The following CNTNAP2 variants were observed in gnomAD, a reference collection of about 807,000 sequenced individuals.
The protein encoded by CNTNAP2 is contactin associated protein 2.
CNTNAP2 carries 98 observed loss-of-function variants against 155.2 expected under a neutral mutation model. The observed-to-expected ratio is 0.63, with a 90% CI of 0.54 to 0.75. The LOEUF is 0.75. Among genes scored for constraint, CNTNAP2 ranks in the 30% least tolerant of loss-of-function variants. The pLI, the probability that CNTNAP2 is intolerant of heterozygous loss-of-function variation, is 0.00. For synonymous variants in CNTNAP2, 651 were observed against 631.2 expected (o/e 1.03, Z -0.47); for missense variants, 1,727 against 1,688.1 (o/e 1.02, Z -0.40).
At chr7:147,609,982 T>A (rs1801151116) in intron 12 of CNTNAP2, among the ~76,000 whole-genome samples, 1 of 152,118 alleles carries the variant, frequency 6.6e-6, no homozygotes, top group African/African-American at 2.4e-5. Flanking sequence ...TTTGTTGTCG[T>A]GGTGGTGGTA....
chr7:148,038,481 C>T (rs1362320955), intron 15 of CNTNAP2, among the ~76,000 whole-genome samples: 1 of 152,286 alleles, frequency 6.6e-6, no homozygotes, highest in African/African-American at 2.4e-5. Flanking sequence ...TTAAAGTTCC[C>T]ATAGCATCTA....
intron 21 of CNTNAP2, among the ~76,000 whole-genome samples, chr7:148,381,765 T>C (rs866629947): frequency 6.6e-6 from 1 of 152,202 alleles, no homozygotes; most frequent in Non-Finnish European, 1.5e-5. Context: ...GCCTAGATTT[T>C]CTCTGCCACC....
chr7:146,331,320 A>T lies in CNTNAP2; in HGVS notation c.97+214347A>T, dbSNP rs549438518. Among the ~76,000 whole-genome samples, 560 of 143,780 alleles carry T rather than the reference A, an allele frequency of 3.9e-3. 7 individuals carry two copies. Among genetic ancestry groups the T allele is most frequent in the Non-Finnish European group, 5.8e-3 (379 of 65,712 alleles). 94.3% of individuals were successfully genotyped at this position (143,780 alleles called of 152,430 possible). On this transcript the variant is annotated intron_variant, in intron 1 of 23. Coordinates refer to ENST00000361727, the MANE Select transcript of CNTNAP2 (RefSeq NM_014141.6). ...CTCCGTCTCAAAAAAAAAAAAAATA[A>T]AAATAACCAACTATCATATAAATTA...
chr7:147,862,667 A>G (rs1799156626), intron 13 of CNTNAP2, among the ~76,000 whole-genome samples: 1 of 152,088 alleles, frequency 6.6e-6, no homozygotes, highest in African/African-American at 2.4e-5. Flanking sequence ...ATACACATAC[A>G]CACACATATG....
intron 9 of CNTNAP2, among the ~76,000 whole-genome samples, chr7:147,333,228 A>G (rs1410800747): frequency 6.6e-6 from 1 of 152,170 alleles, no homozygotes. Context: ...AACAGAAGGC[A>G]TAGTGATGAC....
At chr7:148,293,806 A>G (rs915337497) in intron 21 of CNTNAP2, among the ~76,000 whole-genome samples, 1 of 152,090 alleles carries the variant, frequency 6.6e-6, no homozygotes, top group Admixed American at 6.6e-5. Context: ...AGGTCGAGGC[A>G]GGCACATCAC....
Position 146,937,639 on chromosome 7 carries a change from C to A in CNTNAP2, c.402+97735C>A, listed in dbSNP as rs191165598. Among the ~76,000 whole-genome samples, 313 of 152,230 alleles carry A rather than the reference C, an allele frequency of 2.1e-3. 2 individuals carry two copies. Among genetic ancestry groups the A allele is most frequent in the Non-Finnish European group, 1.4e-3 (98 of 68,018 alleles). ...AAGGTTGGTAGTAAAGTACCTGACA[C>A]CTGCCCTGGAAACTTCCATTGGCTC... On this transcript the variant is annotated intron_variant, in intron 3 of 23. Coordinates refer to ENST00000361727, the MANE Select transcript of CNTNAP2 (RefSeq NM_014141.6).
intron 1 of CNTNAP2, among the ~76,000 whole-genome samples, chr7:146,340,118 G>T (rs1227103724): frequency 1.4e-5 from 2 of 141,718 alleles, no homozygotes; most frequent in Non-Finnish European, 3.0e-5. Flanking sequence ...GCAGTGAGCG[G>T]AGATCGCGCC....
intron 2 of CNTNAP2, among the ~76,000 whole-genome samples, chr7:146,799,313 G>T (rs1243234281): frequency 1.3e-5 from 2 of 152,066 alleles, no homozygotes; most frequent in African/African-American, 4.8e-5. Flanking sequence ...AAAGATTCTT[G>T]ATTGCTTACC....
intron 5 of CNTNAP2, among the ~76,000 whole-genome samples, chr7:147,115,750 C>A (rs1187042545): frequency 1.3e-5 from 2 of 152,110 alleles, no homozygotes; most frequent in Non-Finnish European, 1.5e-5. Context: ...GCATGGGGTA[C>A]AACATGCTCC....
At chr7:147,108,921 C>T (rs368413175) in intron 5 of CNTNAP2, among the ~76,000 whole-genome samples, 10 of 152,100 alleles carry the variant, frequency 6.6e-5, no homozygotes, top group African/African-American at 1.7e-4. Context: ...ACCAAAAGCA[C>T]GCTCAAGAAG....
chr7:146,135,182 T>G (rs189906621), intron 1 of CNTNAP2, among the ~76,000 whole-genome samples: 1 of 152,292 alleles, frequency 6.6e-6, no homozygotes, highest in Admixed American at 6.5e-5. Context: ...ATTTCCTACT[T>G]ATTTTAAAAT....
chr7:148,284,271 G>T lies in CNTNAP2; in HGVS notation c.3475+17145G>T, dbSNP rs377575488. ...ATGGGAGATAATTGAATCATGGGGG[G>T]GTTTCCCCCATACTGTTCTCATGGT... On this transcript the variant is annotated intron_variant, in intron 21 of 23. Coordinates refer to ENST00000361727, the MANE Select transcript of CNTNAP2 (RefSeq NM_014141.6). Among the ~76,000 whole-genome samples the T allele has an allele frequency of 2.6e-5, 4 of 152,036 alleles. No individual in the cohort carries two copies. The South Asian group carries it at 8.3e-4, about 32-fold the overall frequency.
At chr7:147,851,045 G>C (rs941756253) in intron 13 of CNTNAP2, among the ~76,000 whole-genome samples, 19 of 152,164 alleles carry the variant, frequency 1.2e-4, no homozygotes, top group Non-Finnish European at 8.8e-5. Flanking sequence ...CTAATATCCA[G>C]AATCTATAAA....
intron 1 of CNTNAP2, among the ~76,000 whole-genome samples, chr7:146,729,427 G>T (rs1801486460): frequency 6.6e-6 from 1 of 152,108 alleles, no homozygotes; most frequent in South Asian, 2.1e-4. Flanking sequence ...GGAGGTTACT[G>T]AAGCAGTCAG....
intron 8 of CNTNAP2, among the ~76,000 whole-genome samples, chr7:147,138,436 GC>G (rs1205322866): frequency 6.6e-6 from 1 of 151,928 alleles, no homozygotes; most frequent in Non-Finnish European, 1.5e-5. Context: ...TGCTGTGAGA[GC>G]CACATGGTAC....
chr7:147,030,456 C>T (rs1799008094), intron 3 of CNTNAP2, among the ~76,000 whole-genome samples: 1 of 151,984 alleles, frequency 6.6e-6, no homozygotes, highest in African/African-American at 2.4e-5. Context: ...TTTTAGACAC[C>T]CTCCTATGCA....
intron 3 of CNTNAP2, among the ~76,000 whole-genome samples, chr7:146,858,654 A>G (rs1018525360): frequency 6.6e-6 from 1 of 152,142 alleles, no homozygotes; most frequent in Non-Finnish European, 1.5e-5. Context: ...TGATCACACC[A>G]TTGCACTCCA....
chr7:146,213,547 G>A (rs932862547), intron 1 of CNTNAP2, among the ~76,000 whole-genome samples: 1 of 152,166 alleles, frequency 6.6e-6, no homozygotes, highest in Admixed American at 6.5e-5. Flanking sequence ...AACTCAAGAA[G>A]TAATTTATTC....
Sources: gnomAD v4.1 joint callset for allele counts (sites outside exome capture counted in the v4.1 genomes callset) on GRCh38, gnomAD v4.1.1 for gene constraint, MANE v1.5 for transcripts, NCBI Gene and HGNC (gene_info 2026-07-23, HGNC 2026-07-21) for gene names.